GFOD2: variants seen among roughly 807,000 people sequenced by gnomAD.
The protein encoded by GFOD2 is glucose-fructose oxidoreductase domain-containing protein 2.
Under a neutral mutation model 24.6 loss-of-function variants are expected in GFOD2, and 9 were observed. The observed-to-expected ratio is 0.37, with a 90% CI of 0.22 to 0.64. GFOD2 has a LOEUF of 0.64. GFOD2 is among the 30% of genes least tolerant of loss of function. GFOD2 has a pLI of 0.65. For synonymous variants in GFOD2, 211 were observed against 224.8 expected (o/e 0.94, Z 0.55); for missense variants, 476 against 532.5 (o/e 0.89, Z 1.04).
chr16:67,682,846 T>C (rs2053238314), intron 2 of GFOD2: 1 of 985,098 alleles, frequency 1.0e-6, no homozygotes, highest in Non-Finnish European at 1.2e-6. Context: ...TTCAAAATGA[T>C]TGGATCAGTG....
rs1237391581 is a variant in GFOD2, at chr16:67,675,940, G to A, written c.373C>T (p.Arg125Cys). The change falls in exon 3 of 3, where the codon CGC (arginine) becomes TGC (cysteine). Residue 125 changes from arginine (R) to cysteine (C), a missense_variant. Transcript: ENST00000268797. Reference sequence around the variant, plus strand: ...ATGCGCACGAAGGCAGGCAGGAAGCGCAGCACGTTCCCTACCAGGCTCATG... The same window carrying A: ...ATGCGCACGAAGGCAGGCAGGAAGCACAGCACGTTCCCTACCAGGCTCATG... The part of the protein sequence containing the change: ...QLMSLVGNVL[R>C]FLPAFVRMKQ... The A allele has an allele frequency of 4.3e-6, 7 of 1,614,088 alleles. No homozygotes were observed. Among genetic ancestry groups the A allele is most frequent in the South Asian group, 1.1e-5 (1 of 91,092 alleles).
chr16:67,679,036 G>C (rs935596112), intron 2 of GFOD2, among the ~76,000 whole-genome samples: 4 of 152,058 alleles, frequency 2.6e-5, no homozygotes, highest in Admixed American at 6.6e-5. Flanking sequence ...GCGTGGTGGC[G>C]TGTACCTGTA....
chr16:67,709,357 G>A (rs2053458128), intron 1 of GFOD2, among the ~76,000 whole-genome samples: 2 of 151,942 alleles, frequency 1.3e-5, no homozygotes, highest in Admixed American at 1.3e-4. Flanking sequence ...GGTGTTTTAG[G>A]TGCTTGTGTA....
At chr16:67,700,676 C>A (rs751666380) in intron 1 of GFOD2, among the ~76,000 whole-genome samples, 1 of 151,954 alleles carries the variant, frequency 6.6e-6, no homozygotes, top group Non-Finnish European at 1.5e-5. Flanking sequence ...TGTGCCACTG[C>A]ACTCCAGCCT....
chr16:67,676,919 G>A (rs1222209483), intron 2 of GFOD2: 2 of 152,226 alleles, frequency 1.3e-5, no homozygotes, highest in Non-Finnish European at 2.9e-5. Flanking sequence ...GATATGAGCA[G>A]CCATGAGACA....
intron 1 of GFOD2, among the ~76,000 whole-genome samples, chr16:67,702,707 C>G (rs2053411715): frequency 6.9e-6 from 1 of 144,926 alleles, no homozygotes; most frequent in African/African-American, 2.5e-5. Flanking sequence ...TCAAGTGATT[C>G]TCCTGCCTCA....
Position 67,675,100 on chromosome 16 carries a change from C to T in GFOD2, c.*55G>A. The T allele has an allele frequency of 6.5e-7, 1 of 1,543,086 alleles. No individual in the cohort carries two copies. The highest frequency in any genetic ancestry group is 1.7e-4 in the Middle Eastern group (1 of 5,758). On this transcript the variant is annotated 3_prime_UTR_variant, in exon 3 of 3. Coordinates refer to ENST00000268797, the MANE Select transcript of GFOD2 (RefSeq NM_030819.4). ...AGGGCCAAGTCCCTGTCATGTCTGG[C>T]TCCTGTTCCCCTCCCTGGTCCCTCT...
At chr16:67,689,132 T>G (rs894234171) in intron 1 of GFOD2, among the ~76,000 whole-genome samples, 11 of 151,474 alleles carry the variant, frequency 7.3e-5, no homozygotes, top group Non-Finnish European at 1.6e-4. Flanking sequence ...CTCCCCCTCC[T>G]GGTTTCGAGC....
In GFOD2 at chr16:67,683,692, G is replaced by A. The variant is rs2142993349; in HGVS notation, c.259+1765C>T. 2.4e-6 allele frequency: 3 copies of A among 1,230,904 alleles called. No homozygotes were observed. In the East Asian group the frequency reaches 9.5e-5, roughly 39 times the overall value. The allele number at this position is 1,230,904 out of a possible 1,614,324, so 76.2% of individuals were successfully genotyped here. On this transcript the variant is annotated intron_variant, in intron 2 of 2. Transcript: ENST00000268797. ...GAACATTTATCCTTCCCTACCCACTGAGCCAGAGGTGACAGACACCTTCCT... is the reference window on the plus strand; with the variant it reads ...GAACATTTATCCTTCCCTACCCACTAAGCCAGAGGTGACAGACACCTTCCT...
chr16:67,675,013 G>GT lies in GFOD2; in HGVS notation c.*141_*142insA. ...GAGCAGATGAGCCACTGGAGGGGGC[G>GT]AAGTCCCAGAGCCACCTCTGGCTTC... On this transcript the variant is annotated 3_prime_UTR_variant, in exon 3 of 3. Transcript: ENST00000268797. 1.1e-6 allele frequency: 1 copy of GT among 937,470 alleles called. No homozygotes were observed. The highest frequency in any genetic ancestry group is 1.6e-6 in the Non-Finnish European group (1 of 623,680). The allele number at this position is 937,470 out of a possible 1,614,324, so 58.1% of individuals were successfully genotyped here.
intron 1 of GFOD2, among the ~76,000 whole-genome samples, chr16:67,709,454 T>C (rs2053458585): frequency 6.6e-6 from 1 of 152,178 alleles, no homozygotes; most frequent in Non-Finnish European, 1.5e-5. Context: ...AAGTGCAGGA[T>C]ACTTCAGTAA....
chr16:67,711,020 A>C (rs1045942188), intron 1 of GFOD2, among the ~76,000 whole-genome samples: 1 of 152,190 alleles, frequency 6.6e-6, no homozygotes. Context: ...TTTGTGATTA[A>C]CAGACACTCC....
rs1306522634 is a variant in GFOD2 at position 67,675,673 on chromosome 16, T to C, written c.640A>G (p.Ile214Val). Residue 214 changes from isoleucine (I) to valine (V), a missense_variant, in exon 3 of 3, where the codon ATC (isoleucine) becomes GTC (valine). By Grantham distance (29) the Ile-to-Val change is conservative. Coordinates refer to ENST00000268797, the MANE Select transcript of GFOD2 (RefSeq NM_030819.4). ...AAGTCATCGCTAGTGACGTGCCGGA[T>C]GCCACGGATGGCAGCGTTCTGCCTC... Reference protein sequence around the residue: ...FVRQNAAIRGIRHVTSDDFCF... With the variant: ...FVRQNAAIRGVRHVTSDDFCF... The C allele has an allele frequency of 6.2e-7, 1 of 1,613,740 alleles. No homozygotes were observed. Among genetic ancestry groups the C allele is most frequent in the East Asian group, 2.2e-5 (1 of 44,886 alleles).
At chr16:67,702,075 G>T (rs2086548578) in intron 1 of GFOD2, among the ~76,000 whole-genome samples, 1 of 152,148 alleles carries the variant, frequency 6.6e-6, no homozygotes, top group South Asian at 2.1e-4. Flanking sequence ...CTATGGGTAT[G>T]ACAGAACACA....
At position 67,674,753 on chromosome 16, in the gene GFOD2, C is replaced by T. The variant is rs181173276; in HGVS notation, c.*402G>A. 7.5e-4 allele frequency: 128 copies of T among 170,422 alleles called. No individual in the cohort carries two copies. Among genetic ancestry groups the T allele is most frequent in the Non-Finnish European group, 1.2e-3 (94 of 79,592 alleles). The allele number at this position is 170,422 out of a possible 1,614,324, so 10.6% of individuals were successfully genotyped here. On this transcript the variant is annotated 3_prime_UTR_variant, in exon 3 of 3. Coordinates refer to ENST00000268797, the MANE Select transcript of GFOD2 (RefSeq NM_030819.4). ...TGCCCTCACTGTTCCTGAGATGCCC[C>T]AGCCCAAGAACGAAACAAAACTTCT...
intron 1 of GFOD2, 26 bp from the exon 2 acceptor site, chr16:67,685,828 TATTACTG>T (rs2053262725): frequency 7.7e-7 from 1 of 1,296,494 alleles, no homozygotes; most frequent in Non-Finnish European, 1.1e-6. Context: ...TTACACTGGT[TATTACTG>T]GAGAGGACAC....
intron 1 of GFOD2, among the ~76,000 whole-genome samples, chr16:67,710,458 G>A (rs533239733): frequency 2.0e-5 from 3 of 152,152 alleles, no homozygotes; most frequent in South Asian, 2.1e-4. Context: ...TCCGCCTCCC[G>A]GGTTCACGCC....
chr16:67,693,327 G>A (rs187250177), intron 1 of GFOD2, among the ~76,000 whole-genome samples: 1 of 151,404 alleles, frequency 6.6e-6, no homozygotes, highest in Admixed American at 6.6e-5. Flanking sequence ...CACCCAGGCT[G>A]GAGTCCAGTG....
At position 67,675,056 on chromosome 16, in the gene GFOD2, GAA is replaced by G. The variant is rs1251423130; in HGVS notation, c.*97_*98del. 9 of 1,345,486 alleles carry G rather than the reference GAA, an allele frequency of 6.7e-6. No individual in the cohort carries two copies. In the South Asian group the frequency reaches 1.2e-4, roughly 19 times the overall value. 83.3% of individuals were successfully genotyped at this position (1,345,486 alleles called of 1,614,324 possible). ...CTGGCTTCACCCAGACTCATTAAAT[GAA>G]AGACACTGTCTCTGCTAGGGCCAAG... is the stretch of plus-strand genomic sequence containing the variant. On this transcript the variant is annotated 3_prime_UTR_variant, in exon 3 of 3. Coordinates refer to ENST00000268797, the MANE Select transcript of GFOD2 (RefSeq NM_030819.4).
Sources: gnomAD v4.1 joint callset for allele counts (sites outside exome capture counted in the v4.1 genomes callset) on GRCh38, gnomAD v4.1.1 for gene constraint, MANE v1.5 for transcripts, NCBI Gene and HGNC (gene_info 2026-07-23, HGNC 2026-07-21) for gene names.